The following NHSL1 variants were observed in gnomAD, a reference collection of about 807,000 sequenced individuals.
NHSL1 encodes NHS like 1.
In NHSL1, 48 loss-of-function variants were observed where a neutral mutation model predicts 95.0. That is an observed-to-expected ratio of 0.51 (90% CI 0.40 to 0.64). The LOEUF is 0.64. NHSL1 is among the 30% of genes least tolerant of loss of function. The pLI is 0.00. For missense variants in NHSL1, 1,971 were observed against 2,077.7 expected (o/e 0.95, Z 1.00); for synonymous variants, 783 against 833.9 (o/e 0.94, Z 1.05).
chr6:138,465,403 C>A (rs976075363), intron 3 of NHSL1, among the ~76,000 whole-genome samples: 1 of 152,188 alleles, frequency 6.6e-6, no homozygotes, highest in African/African-American at 2.4e-5. Context: ...CTCCCTTCCT[C>A]ATCATTCACA....
intron 1 of NHSL1, among the ~76,000 whole-genome samples, chr6:138,658,989 C>A (rs1785190898): frequency 1.3e-5 from 2 of 150,210 alleles, no homozygotes; most frequent in African/African-American, 2.4e-5. Flanking sequence ...CATATACTGA[C>A]AAAGGGCAAG....
At chr6:138,458,853 A>AAC (rs1480087893) in intron 3 of NHSL1, among the ~76,000 whole-genome samples, 77 of 150,486 alleles carry the variant, frequency 5.1e-4, no homozygotes, top group African/African-American at 1.8e-3. Flanking sequence ...AAAAAAAAAA[A>AAC]CCCAGAAAAA....
At chr6:138,592,290 C>T (rs1359398182) in intron 1 of NHSL1, among the ~76,000 whole-genome samples, 1 of 152,158 alleles carries the variant, frequency 6.6e-6, no homozygotes. Flanking sequence ...TCTTCATATG[C>T]AAAAATGACT....
intron 7 of NHSL1, among the ~76,000 whole-genome samples, chr6:138,428,591 A>C (rs1002417675): frequency 1.3e-5 from 2 of 152,196 alleles, no homozygotes; most frequent in African/African-American, 4.8e-5. Flanking sequence ...AAGAACATTA[A>C]TTCACCGGCT....
At chr6:138,511,148 G>A (rs1039320912) in intron 1 of NHSL1, among the ~76,000 whole-genome samples, 1 of 152,190 alleles carries the variant, frequency 6.6e-6, no homozygotes, top group Non-Finnish European at 1.5e-5. Context: ...CAGCATCATG[G>A]AGGCTTGGAA....
At chr6:138,442,238 G>C in intron 4 of NHSL1, 124 bp from the exon 5 acceptor site, 1 of 994,006 alleles carries the variant, frequency 1.0e-6, no homozygotes, top group Non-Finnish European at 1.4e-6. Flanking sequence ...CCAGTCATAT[G>C]ATGATGAATG....
chr6:138,666,633 GAACA>G (rs772781389), intron 1 of NHSL1, among the ~76,000 whole-genome samples: 1 of 147,390 alleles, frequency 6.8e-6, no homozygotes, highest in African/African-American at 2.5e-5. Context: ...AAATCTGTAT[GAACA>G]GACATGGAAA....
At chr6:138,614,436 CCACAAGTGTTAAT>C (rs1309917799) in intron 1 of NHSL1, among the ~76,000 whole-genome samples, 2 of 152,160 alleles carry the variant, frequency 1.3e-5, no homozygotes, top group African/African-American at 2.4e-5. Flanking sequence ...AAATAAACAT[CCACAAGTGTTAAT>C]CACTGGTGTT....
chr6:138,475,825 T>C (rs1779034964), intron 2 of NHSL1, among the ~76,000 whole-genome samples: 1 of 151,954 alleles, frequency 6.6e-6, no homozygotes, highest in Non-Finnish European at 1.5e-5. Flanking sequence ...AAGCCAGGCA[T>C]GGTGTCACAC....
In NHSL1 at chr6:138,424,345, G is replaced by A. The variant is rs976040806; in HGVS notation, c.4557C>T (p.Ser1519=). Residue 1519 remains serine, a synonymous_variant, in exon 8 of 8, where the codon AGC becomes AGT. Coordinates refer to ENST00000343505, the MANE Select transcript of NHSL1 (RefSeq NM_001144060.2). The surrounding 1 kb of genome is among the most constrained non-coding windows in gnomAD (Gnocchi z 5.9). ...CCTCCGAGATGACGGTCATGGGGCT[G>A]CTCTGGATCCGGTTCCGCATGCTGT... ...SRYSMRNRIQ[S]SPMTVISEGE... The A allele has an allele frequency of 4.5e-6, 7 of 1,545,752 alleles. No homozygotes were observed. In the African/African-American group the frequency reaches 9.6e-5, roughly 21 times the overall value.
intron 2 of NHSL1, among the ~76,000 whole-genome samples, chr6:138,491,261 A>G (rs367545328): frequency 6.3e-4 from 96 of 152,338 alleles, no homozygotes; most frequent in African/African-American, 2.3e-3. Flanking sequence ...AGAGACAGTA[A>G]CTAAAGTGCC....
chr6:138,432,440 G>A lies in NHSL1; in HGVS notation c.1905C>T (p.Ser635=), dbSNP rs1394989567. The change falls in exon 6 of 8, where the codon AGC becomes AGT. Residue 635 remains serine (S), a synonymous_variant. Transcript: ENST00000343505. This position sits in a 1 kb window ranked among gnomAD's most constrained non-coding sequence, Gnocchi z 4.4. Reference sequence around the variant, plus strand: ...CTCTTCCAACAAAAACATTGATCACGCTGTGCCTGGGGTTCCCAAAGCCAT... The same window carrying A: ...CTCTTCCAACAAAAACATTGATCACACTGTGCCTGGGGTTCCCAAAGCCAT... The part of the protein sequence containing the change: ...SSDGFGNPRH[S]VINVFVGRAQ... The A allele has an allele frequency of 3.0e-5, 46 of 1,552,164 alleles. No individual in the cohort carries two copies. Among genetic ancestry groups the A allele is most frequent in the Non-Finnish European group, 3.6e-5 (41 of 1,147,126 alleles).
In NHSL1 at chr6:138,595,582, T is replaced by A. The variant is rs143537811; in HGVS notation, c.96+96894A>T. On this transcript the variant is annotated intron_variant, in intron 1 of 3. Coordinates refer to the NHSL1 transcript ENST00000491526. ...ACAGAGTGACACCCTATCTCTTTTTTTAAAACAGATATATTAAGTCTTTTT... is the reference window on the plus strand; with the variant it reads ...ACAGAGTGACACCCTATCTCTTTTTATAAAACAGATATATTAAGTCTTTTT... Among the ~76,000 whole-genome samples the A allele has an allele frequency of 9.5e-4, 144 of 152,300 alleles. No individual in the cohort carries two copies. In the South Asian group the frequency reaches 0.015, roughly 16 times the overall value.
intron 1 of NHSL1, among the ~76,000 whole-genome samples, chr6:138,668,778 C>G (rs1316088547): frequency 2.0e-5 from 3 of 151,996 alleles, no homozygotes; most frequent in Non-Finnish European, 4.4e-5. Context: ...CACGTGCCAC[C>G]ACATCCAGCT....
At chr6:138,564,048 T>C (rs969585110) in intron 1 of NHSL1, among the ~76,000 whole-genome samples, 1 of 151,694 alleles carries the variant, frequency 6.6e-6, no homozygotes, top group Non-Finnish European at 1.5e-5. Context: ...TACTAATTGG[T>C]CAAAACAGCC....
At chr6:138,676,911 C>T (rs906527827) in intron 1 of NHSL1, among the ~76,000 whole-genome samples, 2 of 152,202 alleles carry the variant, frequency 1.3e-5, no homozygotes, top group African/African-American at 4.8e-5. Context: ...CGCCTCAGCC[C>T]CCACAAAGTG....
At chr6:138,514,997 A>AG (rs1158607301) in intron 1 of NHSL1, among the ~76,000 whole-genome samples, 1 of 151,870 alleles carries the variant, frequency 6.6e-6, no homozygotes, top group Non-Finnish European at 1.5e-5. Flanking sequence ...AAAAAAAAAA[A>AG]GTGTCTACAT....
At chr6:138,567,930 C>T (rs1783681115) in intron 1 of NHSL1, among the ~76,000 whole-genome samples, 1 of 152,148 alleles carries the variant, frequency 6.6e-6, no homozygotes, top group Admixed American at 6.5e-5. Context: ...CGCTTCTGCC[C>T]AGCTAAATGG....
intron 1 of NHSL1, among the ~76,000 whole-genome samples, chr6:138,517,974 G>A (rs1781522911): frequency 6.6e-6 from 1 of 152,196 alleles, no homozygotes; most frequent in African/African-American, 2.4e-5. Flanking sequence ...GGGAGTCTGG[G>A]AAGCGAACGT....
Sources: gnomAD v4.1 joint callset for allele counts (sites outside exome capture counted in the v4.1 genomes callset) on GRCh38, gnomAD v4.1.1 for gene constraint, Gnocchi (gnomAD v3.1) non-coding constraint, MANE v1.5 for transcripts, NCBI Gene and HGNC (gene_info 2026-07-23, HGNC 2026-07-21) for gene names.